The following ATP11A variants were observed in gnomAD, a reference collection of about 807,000 sequenced individuals.
The protein encoded by ATP11A is phospholipid-transporting ATPase IH.
In ATP11A, 81 loss-of-function variants were observed where a neutral mutation model predicts 154.4. That is an observed-to-expected ratio of 0.52 (90% CI 0.44 to 0.63). ATP11A has a LOEUF of 0.63. Among genes scored for constraint, ATP11A ranks in the 30% least tolerant of loss-of-function variants. The pLI is 0.00. For missense variants in ATP11A, 1,316 were observed against 1,474.3 expected (o/e 0.89, Z 1.76); for synonymous variants, 623 against 585.9 (o/e 1.06, Z -0.91).
intron 1 of ATP11A, among the ~76,000 whole-genome samples, chr13:112,773,001 T>C (rs1346550857): frequency 6.6e-6 from 1 of 152,208 alleles, no homozygotes; most frequent in East Asian, 1.9e-4. Context: ...CCAAGAACCC[T>C]GAGTGTGTCC....
rs180864434 is a variant in ATP11A at position 112,724,489 on chromosome 13, G to A, written c.39+34034G>A. The stretch of plus-strand genomic sequence containing the variant: ...CCCCCTGTCCCCGTGGAGCTGTCAC[G>A]TGGCCCTCCTCCAGAACCGTGTATG... On this transcript the variant is annotated intron_variant, in intron 1 of 29. Coordinates refer to ENST00000375645, the MANE Select transcript of ATP11A (RefSeq NM_015205.3). Among the ~76,000 whole-genome samples the A allele has an allele frequency of 4.6e-3, 602 of 131,902 alleles. 2 individuals are homozygous for A. The highest frequency in any genetic ancestry group is 0.02 in the African/African-American group (566 of 28,736). 86.5% of individuals were successfully genotyped at this position (131,902 alleles called of 152,430 possible). A position where few individuals can be genotyped will look rare whatever the true frequency, so the allele number is the denominator to read the frequency against.
intron 25 of ATP11A, among the ~76,000 whole-genome samples, chr13:112,866,293 C>T (rs932051623): frequency 3.9e-5 from 6 of 152,246 alleles, no homozygotes; most frequent in East Asian, 1.9e-4. Context: ...CGCTGTTAGC[C>T]GCTGCTGCCC....
chr13:112,842,202 A>T, intron 16 of ATP11A, 74 bp from the exon 17 acceptor site: 5 of 1,237,490 alleles, frequency 4.0e-6, no homozygotes, highest in Middle Eastern at 1.9e-4. Flanking sequence ...GTTTTTTAAT[A>T]ATGGCATAAT....
intron 1 of ATP11A, among the ~76,000 whole-genome samples, chr13:112,752,530 C>T (rs1336013252): frequency 6.6e-6 from 1 of 152,158 alleles, no homozygotes; most frequent in Non-Finnish European, 1.5e-5. Flanking sequence ...TCTTTCTGTC[C>T]CCACCCCCAG....
Position 112,874,159 on chromosome 13 carries a change from G to A in ATP11A, c.3161+483G>A, listed in dbSNP as rs991663611. The stretch of plus-strand genomic sequence containing the variant: ...GATGGGGCCCAGGCATGGTGGGGCT[G>A]GACCTTGCCCGCAGCAGCCTGACTC... On this transcript the variant is annotated intron_variant, in intron 27 of 29. Transcript: ENST00000375645. 1.8e-4 allele frequency among the ~76,000 whole-genome samples: 27 copies of A among 152,190 alleles called. 1 individual carries two copies. Among genetic ancestry groups the A allele is most frequent in the African/African-American group, 6.5e-4 (27 of 41,442 alleles).
At chr13:112,729,742 C>A (rs1475759616) in intron 1 of ATP11A, among the ~76,000 whole-genome samples, 1 of 152,262 alleles carries the variant, frequency 6.6e-6, no homozygotes, top group Non-Finnish European at 1.5e-5. Flanking sequence ...CACGGTGAGG[C>A]CAGCAGGCCG....
chr13:112,882,396 T>TTC lies in ATP11A; in HGVS notation c.*531_*532dup. ...ACATGTGGATGCCACATGCTGCTGT[T>TTC]TCCTGCTTGCCCGGCCACCACCCAT... is the stretch of plus-strand genomic sequence containing the variant. On this transcript the variant is annotated 3_prime_UTR_variant, in exon 30 of 30. Transcript: ENST00000375645. This position sits in a 1 kb window ranked among gnomAD's most constrained non-coding sequence, Gnocchi z 5.1. 2.6e-6 allele frequency: 1 copy of TTC among 390,284 alleles called. No homozygotes were observed. Among genetic ancestry groups the TTC allele is most frequent in the Non-Finnish European group, 4.8e-6 (1 of 209,916 alleles). The allele number at this position is 390,284 out of a possible 1,614,324, so 24.2% of individuals were successfully genotyped here.
intron 29 of ATP11A, 161 bp downstream of exon 29, chr13:112,878,464 C>G: frequency 1.5e-6 from 1 of 679,652 alleles, no homozygotes; most frequent in Non-Finnish European, 2.6e-6. Flanking sequence ...CTTACACCTT[C>G]TCATGCACAG....
chr13:112,809,336 G>A (rs893940977), intron 4 of ATP11A, among the ~76,000 whole-genome samples: 4 of 152,192 alleles, frequency 2.6e-5, no homozygotes, highest in Non-Finnish European at 4.4e-5. Context: ...ATATCCATGC[G>A]TCCCAGGCTT....
chr13:112,832,107 C>T (rs1281402358), intron 13 of ATP11A, among the ~76,000 whole-genome samples: 11 of 151,962 alleles, frequency 7.2e-5, no homozygotes, highest in East Asian at 1.9e-4. Context: ...GCCCAGTTAC[C>T]GTGTGCACGC....
At chr13:112,724,625 T>G (rs750919111) in intron 1 of ATP11A, among the ~76,000 whole-genome samples, 6 of 151,906 alleles carry the variant, frequency 3.9e-5, no homozygotes, top group Admixed American at 6.6e-5. Flanking sequence ...GTGTCTCCCT[T>G]CTCCCCACAG....
chr13:112,703,574 C>T (rs182252228), intron 1 of ATP11A, among the ~76,000 whole-genome samples: 7 of 152,254 alleles, frequency 4.6e-5, no homozygotes, highest in South Asian at 2.1e-4. Flanking sequence ...GCATGTTCCA[C>T]GAAGTCTGGA....
chr13:112,868,516 T>G (rs577652565), intron 25 of ATP11A, among the ~76,000 whole-genome samples: 97 of 152,304 alleles, frequency 6.4e-4, no homozygotes, highest in African/African-American at 2.1e-3. Context: ...ACTGGTCAGG[T>G]TCTTGGCTGA....
At chr13:112,707,958 A>G (rs1193802575) in intron 1 of ATP11A, among the ~76,000 whole-genome samples, 2 of 152,220 alleles carry the variant, frequency 1.3e-5, no homozygotes, top group Admixed American at 6.5e-5. Context: ...CAAATCCATG[A>G]GACGCTTTGA....
intron 27 of ATP11A, among the ~76,000 whole-genome samples, 177 bp downstream of exon 27, chr13:112,873,853 G>T (rs553230369): frequency 6.6e-6 from 1 of 152,078 alleles, no homozygotes; most frequent in Non-Finnish European, 1.5e-5. Flanking sequence ...GCAAGACACC[G>T]GGGGGTTCCT....
chr13:112,797,078 T>A (rs2078018200), intron 2 of ATP11A, among the ~76,000 whole-genome samples: 1 of 151,974 alleles, frequency 6.6e-6, no homozygotes, highest in East Asian at 1.9e-4. Context: ...CTGGCCAACA[T>A]GGTGAAACCC....
At chr13:112,757,150 G>T (rs943572713) in intron 1 of ATP11A, among the ~76,000 whole-genome samples, 2 of 152,216 alleles carry the variant, frequency 1.3e-5, no homozygotes, top group African/African-American at 4.8e-5. Context: ...ATGCAAGCTC[G>T]TGGATTTAGG....
At chr13:112,787,790 G>A (rs556762404) in intron 2 of ATP11A, among the ~76,000 whole-genome samples, 10 of 134,024 alleles carry the variant, frequency 7.5e-5, no homozygotes, top group Non-Finnish European at 1.4e-4. Context: ...GTGTCCTGAC[G>A]TGTAAACCCC....
intron 1 of ATP11A, among the ~76,000 whole-genome samples, chr13:112,721,831 A>G (rs1889225327): frequency 6.6e-6 from 1 of 152,196 alleles, no homozygotes; most frequent in African/African-American, 2.4e-5. Context: ...GTATGAGCAA[A>G]AAGAAGGAGA....
Sources: gnomAD v4.1 joint callset for allele counts (sites outside exome capture counted in the v4.1 genomes callset) on GRCh38, gnomAD v4.1.1 for gene constraint, Gnocchi (gnomAD v3.1) non-coding constraint, MANE v1.5 for transcripts, NCBI Gene and HGNC (gene_info 2026-07-23, HGNC 2026-07-21) for gene names.